MIPOL1: variants seen among roughly 807,000 people sequenced by gnomAD.
MIPOL1 encodes mirror-image polydactyly 1, also known as mirror-image polydactyly gene 1 protein.
MIPOL1 carries 57 observed loss-of-function variants against 60.9 expected under a neutral mutation model. The observed-to-expected ratio is 0.94, with a 90% CI of 0.76 to 1.17. The LOEUF (loss-of-function observed/expected upper bound fraction) is 1.17, where lower values mean the gene tolerates loss of function less well. Ranked by LOEUF, MIPOL1 falls within the 50% of genes most tolerant of loss-of-function variation. The pLI is 0.00. For missense variants in MIPOL1, 551 were observed against 511.6 expected, an observed-to-expected ratio of 1.08 and a Z score of -0.74; for synonymous variants, 179 against 168.8, an observed-to-expected ratio of 1.06 and a Z score of -0.47.
At chr14:37,517,519 G>T (rs967953894) in intron 12 of MIPOL1, among the ~76,000 whole-genome samples, 1 of 152,178 alleles carries the variant, frequency 6.6e-6, no homozygotes, top group Non-Finnish European at 1.5e-5. Flanking sequence ...ATATGCATTT[G>T]CCCTTTGACT....
chr14:37,269,276 C>A (rs563726296), intron 5 of MIPOL1, among the ~76,000 whole-genome samples: 1 of 152,032 alleles, frequency 6.6e-6, no homozygotes, highest in Non-Finnish European at 1.5e-5. Context: ...GCATTTTGTC[C>A]AGTCCAATTT....
intron 10 of MIPOL1, among the ~76,000 whole-genome samples, chr14:37,371,688 A>C (rs539862085): frequency 6.6e-6 from 1 of 152,244 alleles, no homozygotes; most frequent in South Asian, 2.1e-4. Context: ...ATTTTTTATT[A>C]ATTTTATGCC....
chr14:37,481,627 C>G (rs2094872564), intron 11 of MIPOL1, among the ~76,000 whole-genome samples: 1 of 142,902 alleles, frequency 7.0e-6, no homozygotes, highest in African/African-American at 2.7e-5. Context: ...ACCACATAGC[C>G]AAGGGAATCA....
chr14:37,310,442 C>T (rs1467959416), intron 9 of MIPOL1, among the ~76,000 whole-genome samples: 1 of 152,138 alleles, frequency 6.6e-6, no homozygotes, highest in Non-Finnish European at 1.5e-5. Context: ...TGCATGCCCA[C>T]AGCCATTTCA....
At chr14:37,496,222 T>C (rs1198709481) in intron 11 of MIPOL1, among the ~76,000 whole-genome samples, 3 of 143,764 alleles carry the variant, frequency 2.1e-5, no homozygotes, top group Non-Finnish European at 4.6e-5. Flanking sequence ...CTGGAAGCAT[T>C]CCCTTTGAAA....
intron 11 of MIPOL1, among the ~76,000 whole-genome samples, chr14:37,491,277 C>A (rs979754057): frequency 4.6e-5 from 7 of 152,110 alleles, no homozygotes; most frequent in African/African-American, 1.7e-4. Context: ...GCCTGTAATC[C>A]CAGCACTTTG....
intron 11 of MIPOL1, among the ~76,000 whole-genome samples, chr14:37,450,102 C>T (rs1192594876): frequency 6.6e-6 from 1 of 152,116 alleles, no homozygotes; most frequent in Non-Finnish European, 1.5e-5. Context: ...CCTGAGCCAC[C>T]GTGCCTGGCC....
chr14:37,255,666 CAAATT>C (rs1307394345), intron 3 of MIPOL1, among the ~76,000 whole-genome samples: 3 of 151,566 alleles, frequency 2.0e-5, no homozygotes, highest in Non-Finnish European at 3.0e-5. Flanking sequence ...TATGAAAAAA[CAAATT>C]TAGAGCAAGT....
At chr14:37,340,525 C>A (rs1277969950) in intron 9 of MIPOL1, among the ~76,000 whole-genome samples, 1 of 151,916 alleles carries the variant, frequency 6.6e-6, no homozygotes, top group Non-Finnish European at 1.5e-5. Flanking sequence ...GCCTGGGCAA[C>A]ATAGTGAGAC....
chr14:37,270,580 T>A lies in MIPOL1; in HGVS notation c.493+55T>A, dbSNP rs765621925. The stretch of plus-strand genomic sequence containing the variant: ...TGAAGAATCACACACAAGGTTATTA[T>A]ATGATGTATCTTGGTGAATACTAGC... On this transcript the variant is annotated intron_variant, in intron 6 of 12. Transcript: ENST00000684589. 2.8e-5 allele frequency: 26 copies of A among 933,696 alleles called. No homozygotes were observed. The African/African-American group carries it at 4.5e-4, about 16-fold the overall frequency. 57.8% of individuals were successfully genotyped at this position (933,696 alleles called of 1,614,324 possible). A position where few individuals can be genotyped will look rare whatever the true frequency, so the allele number is the denominator to read the frequency against.
intron 12 of MIPOL1, among the ~76,000 whole-genome samples, chr14:37,540,405 G>T (rs145013620): frequency 1.3e-5 from 2 of 152,222 alleles, no homozygotes; most frequent in East Asian, 3.9e-4. Context: ...TTATATCGTA[G>T]TGTCTGTATA....
chr14:37,270,161 C>T (rs1202390089), intron 5 of MIPOL1, among the ~76,000 whole-genome samples: 3 of 151,974 alleles, frequency 2.0e-5, no homozygotes, highest in Admixed American at 6.6e-5. Flanking sequence ...AATGTTGGTC[C>T]TCTGAATTTA....
intron 12 of MIPOL1, among the ~76,000 whole-genome samples, chr14:37,533,539 A>G (rs1356963668): frequency 6.6e-6 from 1 of 152,224 alleles, no homozygotes; most frequent in African/African-American, 2.4e-5. Flanking sequence ...AAGATACTCT[A>G]TAAGCCTTCA....
At chr14:37,214,873 A>G (rs947417233) in intron 1 of MIPOL1, among the ~76,000 whole-genome samples, 2 of 151,984 alleles carry the variant, frequency 1.3e-5, no homozygotes, top group African/African-American at 4.8e-5. Context: ...CAGACTGGGA[A>G]AGGGAGTCTC....
At chr14:37,456,456 A>G (rs1175872676) in intron 11 of MIPOL1, among the ~76,000 whole-genome samples, 2 of 152,058 alleles carry the variant, frequency 1.3e-5, no homozygotes, top group African/African-American at 4.8e-5. Context: ...GTACCTATGA[A>G]TTTTTCAGAT....
intron 11 of MIPOL1, among the ~76,000 whole-genome samples, chr14:37,484,405 T>G (rs2094917039): frequency 6.7e-6 from 1 of 149,494 alleles, no homozygotes; most frequent in Non-Finnish European, 1.5e-5. Context: ...TGGTGTAATC[T>G]TGGCTTACTG....
intron 11 of MIPOL1, among the ~76,000 whole-genome samples, chr14:37,484,924 C>T (rs2094925034): frequency 6.6e-6 from 1 of 152,026 alleles, no homozygotes; most frequent in Non-Finnish European, 1.5e-5. Flanking sequence ...ATATACATGC[C>T]ATGGTGGTTT....
At chr14:37,257,076 T>G (rs983383578) in intron 3 of MIPOL1, among the ~76,000 whole-genome samples, 3 of 144,788 alleles carry the variant, frequency 2.1e-5, no homozygotes, top group Non-Finnish European at 3.0e-5. Flanking sequence ...TTTTGTTTTT[T>G]GGGTTTTTTG....
At chr14:37,470,108 A>C (rs1487293542) in intron 11 of MIPOL1, among the ~76,000 whole-genome samples, 1 of 152,180 alleles carries the variant, frequency 6.6e-6, no homozygotes, top group Non-Finnish European at 1.5e-5. Context: ...AGGAGGAAGA[A>C]GAGAAAGAGC....
Sources: gnomAD v4.1 joint callset for allele counts (sites outside exome capture counted in the v4.1 genomes callset) on GRCh38, gnomAD v4.1.1 for gene constraint, MANE v1.5 for transcripts, NCBI Gene and HGNC (gene_info 2026-07-23, HGNC 2026-07-21) for gene names.